Variants in SKAP1 observed in about 807,000 individuals in gnomAD.
SKAP1 encodes the protein src kinase associated phosphoprotein 1, also known as src kinase-associated phosphoprotein 1.
In SKAP1, 44 loss-of-function variants were observed where a neutral mutation model predicts 58.5. The observed-to-expected ratio is 0.75, with a 90% CI of 0.59 to 0.97. The LOEUF (loss-of-function observed/expected upper bound fraction) is 0.97, where lower values mean the gene tolerates loss of function less well. Ranked by LOEUF, SKAP1 falls within the 50% of genes least tolerant of loss-of-function variation. SKAP1 has a pLI of 0.00. For missense variants in SKAP1, 390 were observed against 435.2 expected (o/e 0.90, Z 0.92); for synonymous variants, 127 against 149.7 (o/e 0.85, Z 1.11).
chr17:48,196,966 A>G (rs562353866), intron 4 of SKAP1, among the ~76,000 whole-genome samples: 1 of 152,362 alleles, frequency 6.6e-6, no homozygotes, highest in East Asian at 1.9e-4. Context: ...CTCTCAAAAA[A>G]TGCTGCTTGG....
rs765566555 is a variant in SKAP1, at chr17:48,170,600, C to G, written c.877+9G>C. ...TACCCAGTGCCTGTGCATTTAGAAG[C>G]TCTTATACCTCCTTTTCGTCGAGTG... On this transcript the variant is annotated intron_variant, in intron 10 of 12. Coordinates refer to ENST00000336915, the MANE Select transcript of SKAP1 (RefSeq NM_003726.4). 1 of 1,612,516 alleles carries G rather than the reference C, an allele frequency of 6.2e-7. No individual in the cohort carries two copies. Among genetic ancestry groups the G allele is most frequent in the East Asian group, 2.2e-5 (1 of 44,888 alleles).
chr17:48,202,273 T>C (rs1442418201), intron 4 of SKAP1, among the ~76,000 whole-genome samples: 2 of 152,160 alleles, frequency 1.3e-5, no homozygotes, highest in African/African-American at 4.8e-5. Context: ...TTATCGTGAT[T>C]CTCTGGGGGT....
At chr17:48,414,734 G>A (rs2067711595) in intron 1 of SKAP1, among the ~76,000 whole-genome samples, 1 of 152,128 alleles carries the variant, frequency 6.6e-6, no homozygotes, top group East Asian at 1.9e-4. Flanking sequence ...TGCAACACTA[G>A]AGGCATGATA....
chr17:48,360,835 A>G (rs2066926376), intron 3 of SKAP1, among the ~76,000 whole-genome samples: 1 of 152,154 alleles, frequency 6.6e-6, no homozygotes, highest in Non-Finnish European at 1.5e-5. Flanking sequence ...TCCCATTATG[A>G]TAAATAGAAA....
chr17:48,332,977 C>T (rs1045758780), intron 4 of SKAP1, among the ~76,000 whole-genome samples: 12 of 152,146 alleles, frequency 7.9e-5, no homozygotes, highest in Middle Eastern at 3.4e-3. Context: ...ATAACTAAAT[C>T]GGACAGAATT....
intron 4 of SKAP1, among the ~76,000 whole-genome samples, chr17:48,297,060 T>C (rs2144107859): frequency 6.6e-6 from 1 of 152,300 alleles, no homozygotes; most frequent in South Asian, 2.1e-4. Context: ...TACTTCCTTA[T>C]AGACACTCCT....
chr17:48,268,082 C>CAT (rs2065577459), intron 4 of SKAP1, among the ~76,000 whole-genome samples: 1 of 152,032 alleles, frequency 6.6e-6, no homozygotes, highest in African/African-American at 2.4e-5. Context: ...CCTCGAAAGA[C>CAT]AGACATTACT....
chr17:48,243,131 G>A (rs2065259365), intron 4 of SKAP1, among the ~76,000 whole-genome samples: 1 of 152,100 alleles, frequency 6.6e-6, no homozygotes, highest in Non-Finnish European at 1.5e-5. Flanking sequence ...CCAGTCTTTA[G>A]GTAATCAGAT....
intron 4 of SKAP1, among the ~76,000 whole-genome samples, chr17:48,225,368 G>C (rs943578131): frequency 2.0e-5 from 3 of 152,156 alleles, no homozygotes; most frequent in Non-Finnish European, 1.5e-5. Context: ...TATTTATCAA[G>C]TAGATTTGGG....
At chr17:48,292,367 C>T (rs915138064) in intron 4 of SKAP1, among the ~76,000 whole-genome samples, 2 of 151,938 alleles carry the variant, frequency 1.3e-5, no homozygotes, top group Non-Finnish European at 2.9e-5. Context: ...AAAAACACAT[C>T]GCTTTTTTTC....
rs771902725 is a variant in SKAP1 at position 48,187,839 on chromosome 17, T to G, written c.442+4A>C. Reference sequence around the variant, plus strand: ...ATGCTGCTGTGTAAATGAAGAACACTTACTCTTCTCATTAGCATAGTAGTA... The same window carrying G: ...ATGCTGCTGTGTAAATGAAGAACACGTACTCTTCTCATTAGCATAGTAGTA... On this transcript the variant is annotated splice_donor_region_variant and intron_variant, in intron 6 of 12. Coordinates refer to ENST00000336915, the MANE Select transcript of SKAP1 (RefSeq NM_003726.4). 5.0e-6 allele frequency: 8 copies of G among 1,599,944 alleles called. No individual in the cohort carries two copies. Among genetic ancestry groups the G allele is most frequent in the Non-Finnish European group, 6.9e-6 (8 of 1,167,442 alleles).
chr17:48,170,712 C>CTTT (rs377407749), intron 9 of SKAP1, 53 bp from the exon 10 acceptor site: 96 of 1,103,398 alleles, frequency 8.7e-5, no homozygotes, highest in South Asian at 1.8e-4. Flanking sequence ...GTCTCATGTT[C>CTTT]TTTTTTTTTT....
chr17:48,420,523 A>G (rs1192975988), intron 1 of SKAP1, among the ~76,000 whole-genome samples: 1 of 152,172 alleles, frequency 6.6e-6, no homozygotes, highest in Non-Finnish European at 1.5e-5. Context: ...GACAATGAGA[A>G]GGCATAAGGC....
intron 2 of SKAP1, among the ~76,000 whole-genome samples, chr17:48,371,901 A>T (rs927910356): frequency 1.3e-5 from 2 of 152,104 alleles, no homozygotes; most frequent in Non-Finnish European, 2.9e-5. Flanking sequence ...CAATTATAAA[A>T]AAATGATTAA....
At chr17:48,292,885 A>C (rs1382465236) in intron 4 of SKAP1, among the ~76,000 whole-genome samples, 4 of 152,212 alleles carry the variant, frequency 2.6e-5, no homozygotes, top group African/African-American at 9.6e-5. Flanking sequence ...AATCTAAAGG[A>C]TTTTGAAGAG....
intron 11 of SKAP1, among the ~76,000 whole-genome samples, chr17:48,138,361 C>T (rs1302024490): frequency 6.6e-6 from 1 of 150,852 alleles, no homozygotes; most frequent in Non-Finnish European, 1.5e-5. Context: ...CGTGCCATCA[C>T]ACCCGGCTAT....
chr17:48,226,113 G>A (rs950973013), intron 4 of SKAP1, among the ~76,000 whole-genome samples: 1 of 152,138 alleles, frequency 6.6e-6, no homozygotes, highest in African/African-American at 2.4e-5. Flanking sequence ...AACATTCTCT[G>A]TGGCTGACAG....
intron 11 of SKAP1, among the ~76,000 whole-genome samples, chr17:48,148,096 A>G (rs2063854278): frequency 6.6e-6 from 1 of 152,132 alleles, no homozygotes; most frequent in Non-Finnish European, 1.5e-5. Context: ...ATTCAGCCTT[A>G]AAGGTGAAGC....
chr17:48,189,044 A>C (rs2064499499), intron 5 of SKAP1, among the ~76,000 whole-genome samples: 1 of 152,186 alleles, frequency 6.6e-6, no homozygotes, highest in Non-Finnish European at 1.5e-5. Context: ...GTTTATCTGA[A>C]ATTTGAAAGT....
Sources: allele counts gnomAD v4.1 joint callset (sites outside exome capture counted in the v4.1 genomes callset), GRCh38; gene constraint gnomAD v4.1.1; transcripts MANE v1.5; gene names NCBI Gene and HGNC (gene_info 2026-07-23, HGNC 2026-07-21).